UBE2E1: variants seen among roughly 807,000 people sequenced by gnomAD.
UBE2E1 encodes the protein ubiquitin-conjugating enzyme E2 E1.
UBE2E1 carries 6 observed loss-of-function variants against 21.4 expected under a neutral mutation model. The observed-to-expected ratio is 0.28, with a 90% CI of 0.15 to 0.55. The LOEUF (loss-of-function observed/expected upper bound fraction) is 0.55. UBE2E1 is among the 20% of genes least tolerant of loss of function. The pLI, the probability that UBE2E1 is intolerant of heterozygous loss-of-function variation, is 0.93. For synonymous variants in UBE2E1, 87 were observed against 82.7 expected (o/e 1.05, Z -0.28); for missense variants, 142 against 236.5 (o/e 0.60, Z 2.62).
Position 23,817,378 on chromosome 3 carries a change from C to T in UBE2E1, c.203+5868C>T, listed in dbSNP as rs189373094. ...CAGAGGTTGCAGTGAGCCAAGATTA[C>T]GCCACTGCACTCCAGCCTGGTTGAC... On this transcript the variant is annotated intron_variant, in intron 3 of 5. Coordinates refer to ENST00000306627, the MANE Select transcript of UBE2E1 (RefSeq NM_003341.5). Among the ~76,000 whole-genome samples, 105 of 144,998 alleles carry T rather than the reference C, an allele frequency of 7.2e-4. 1 individual carries two copies. Among genetic ancestry groups the T allele is most frequent in the South Asian group, 2.2e-4 (1 of 4,620 alleles).
At chr3:23,880,561 C>T (rs1029774785) in intron 3 of UBE2E1, among the ~76,000 whole-genome samples, 1 of 152,144 alleles carries the variant, frequency 6.6e-6, no homozygotes, top group Non-Finnish European at 1.5e-5. Flanking sequence ...AAGACTGTGA[C>T]TCGAAAAATA....
intron 3 of UBE2E1, among the ~76,000 whole-genome samples, chr3:23,878,651 G>A (rs1032324317): frequency 9.2e-5 from 14 of 152,136 alleles, no homozygotes; most frequent in African/African-American, 3.4e-4. Context: ...ATAGGCACAC[G>A]CAAACCCTAT....
At chr3:23,813,165 C>G (rs1231322698) in intron 3 of UBE2E1, among the ~76,000 whole-genome samples, 1 of 152,102 alleles carries the variant, frequency 6.6e-6, no homozygotes. Flanking sequence ...AGGGGATGCA[C>G]CAAACTGGGT....
Position 23,826,711 on chromosome 3 carries a change from G to A in UBE2E1, c.203+15201G>A, listed in dbSNP as rs759271335. On this transcript the variant is annotated intron_variant, in intron 3 of 5. Transcript: ENST00000306627. The stretch of plus-strand genomic sequence containing the variant: ...ATTTGGTAGATACTTTTGTGGAGTT[G>A]TCATTTTTTCATAGTTTTTTGTTAT... 2.3e-4 allele frequency among the ~76,000 whole-genome samples: 35 copies of A among 152,166 alleles called. 1 individual carries two copies. The highest frequency in any genetic ancestry group is 2.9e-5 in the Non-Finnish European group (2 of 68,034).
At chr3:23,838,936 CTTTT>C (rs765269749) in intron 3 of UBE2E1, among the ~76,000 whole-genome samples, 13 of 147,776 alleles carry the variant, frequency 8.8e-5, no homozygotes, top group Non-Finnish European at 1.3e-4. Flanking sequence ...CCAGCTATAA[CTTTT>C]TTTGTTTGTT....
chr3:23,879,112 A>T (rs545591678), intron 3 of UBE2E1: 2 of 526,596 alleles, frequency 3.8e-6, no homozygotes, highest in Non-Finnish European at 7.3e-6. Context: ...GTTAGCAACT[A>T]TAAGTAGAGG....
chr3:23,852,577 A>C (rs112900412), intron 3 of UBE2E1, among the ~76,000 whole-genome samples: 49 of 152,096 alleles, frequency 3.2e-4, no homozygotes, highest in African/African-American at 1.1e-3. Context: ...TTCTTTTCCA[A>C]TCTGAATACT....
intron 3 of UBE2E1, among the ~76,000 whole-genome samples, chr3:23,829,830 C>G (rs903205527): frequency 4.6e-5 from 7 of 152,162 alleles, no homozygotes; most frequent in Non-Finnish European, 8.8e-5. Flanking sequence ...AAGGAGAAAG[C>G]CTTCAGCAAA....
chr3:23,807,128 G>T, intron 1 of UBE2E1, 109 bp from the exon 2 acceptor site: 1 of 858,612 alleles, frequency 1.2e-6, no homozygotes, highest in African/African-American at 1.7e-5. Flanking sequence ...GGAGGGCGGT[G>T]GGCGGCCGCG....
At chr3:23,885,879 A>C (rs940626839) in intron 3 of UBE2E1, among the ~76,000 whole-genome samples, 29 of 151,112 alleles carry the variant, frequency 1.9e-4, no homozygotes, top group African/African-American at 6.6e-4. Flanking sequence ...AACAAAAAAA[A>C]CAAAACAAAC....
intron 3 of UBE2E1, among the ~76,000 whole-genome samples, chr3:23,875,194 C>G (rs965086160): frequency 9.9e-5 from 15 of 152,058 alleles, no homozygotes; most frequent in Non-Finnish European, 2.1e-4. Flanking sequence ...ACAGTAAGAC[C>G]TACGATTGAA....
intron 2 of UBE2E1, among the ~76,000 whole-genome samples, chr3:23,811,205 C>T (rs548878129): frequency 1.3e-5 from 2 of 152,210 alleles, no homozygotes; most frequent in Admixed American, 6.5e-5. Context: ...AGGAATAGAA[C>T]TGCCCTGGTG....
At chr3:23,820,151 A>G (rs1699617014) in intron 3 of UBE2E1, among the ~76,000 whole-genome samples, 1 of 152,242 alleles carries the variant, frequency 6.6e-6, no homozygotes, top group African/African-American at 2.4e-5. Flanking sequence ...CCATGTCACC[A>G]GTGAAGTGAA....
chr3:23,836,169 A>T lies in UBE2E1; in HGVS notation c.203+24659A>T, dbSNP rs888463240. Among the ~76,000 whole-genome samples, 6 of 152,262 alleles carry T rather than the reference A, an allele frequency of 3.9e-5. No individual in the cohort carries two copies. The highest frequency in any genetic ancestry group is 1.4e-4 in the African/African-American group (6 of 41,468). The stretch of plus-strand genomic sequence containing the variant: ...CAGCAAGAAGTTAAAGCATTTTAAA[A>T]AGCCTTGTGAATAAATCTTTACAAG... On this transcript the variant is annotated intron_variant, in intron 3 of 5. Coordinates refer to ENST00000306627, the MANE Select transcript of UBE2E1 (RefSeq NM_003341.5). This position sits in a 1 kb window ranked among gnomAD's most constrained non-coding sequence, Gnocchi z 4.1.
In UBE2E1 at chr3:23,810,528, G is replaced by T. The variant is rs1305036905; in HGVS notation, c.153-932G>T. On this transcript the variant is annotated intron_variant, in intron 2 of 5. Transcript: ENST00000306627. The surrounding 1 kb of genome is among the most constrained non-coding windows in gnomAD (Gnocchi z 5.8). ...GTTAGAGGACGCCCGGGGAAAAGCAGGTCCGGGGAGGTGGGCCGAGAGTCC... is the reference window on the plus strand; with the variant it reads ...GTTAGAGGACGCCCGGGGAAAAGCATGTCCGGGGAGGTGGGCCGAGAGTCC... 6.5e-7 allele frequency: 1 copy of T among 1,535,010 alleles called. No homozygotes were observed. The highest frequency in any genetic ancestry group is 8.7e-7 in the Non-Finnish European group (1 of 1,146,250).
chr3:23,886,448 G>C (rs968917767), intron 3 of UBE2E1, among the ~76,000 whole-genome samples: 1 of 152,072 alleles, frequency 6.6e-6, no homozygotes, highest in African/African-American at 2.4e-5. Flanking sequence ...CCGCTATTCG[G>C]TTGCCCATAT....
chr3:23,887,796 T>C lies in UBE2E1; in HGVS notation c.336+97T>C. The C allele has an allele frequency of 2.8e-6, 4 of 1,445,274 alleles. No individual in the cohort carries two copies. The highest frequency in any genetic ancestry group is 3.7e-6 in the Non-Finnish European group (4 of 1,078,700). The allele number at this position is 1,445,274 out of a possible 1,614,324, so 89.5% of individuals were successfully genotyped here. On this transcript the variant is annotated intron_variant, in intron 4 of 5. Transcript: ENST00000306627. This position sits in a 1 kb window ranked among gnomAD's most constrained non-coding sequence, Gnocchi z 4.4. ...TTAATTTTTAATCACAGAAACTAGA[T>C]TTATCTTATGTCCTAATAGATCTGA...
intron 3 of UBE2E1, 31 bp downstream of exon 3, chr3:23,811,541 T>A (rs764392493): frequency 6.2e-6 from 10 of 1,605,468 alleles, no homozygotes; most frequent in South Asian, 1.1e-5. Flanking sequence ...TTTCCATTTT[T>A]AAAATTCTTC....
In UBE2E1 at chr3:23,882,858, C is replaced by T. The variant is rs138919245; in HGVS notation, c.204-4709C>T. Among the ~76,000 whole-genome samples, 166 of 152,332 alleles carry T rather than the reference C, an allele frequency of 1.1e-3. 3 individuals carry two copies. Among genetic ancestry groups the T allele is most frequent in the Middle Eastern group, 3.4e-3 (1 of 294 alleles). Reference sequence around the variant, plus strand: ...CGGGGCTGCCAAGTCCACGCCCACCCGGAACTCTCGCTGTTCCATGAGCAC... The same window carrying T: ...CGGGGCTGCCAAGTCCACGCCCACCTGGAACTCTCGCTGTTCCATGAGCAC... On this transcript the variant is annotated intron_variant, in intron 3 of 5. Coordinates refer to ENST00000306627, the MANE Select transcript of UBE2E1 (RefSeq NM_003341.5).
Sources: allele counts gnomAD v4.1 joint callset (sites outside exome capture counted in the v4.1 genomes callset), GRCh38; gene constraint gnomAD v4.1.1; non-coding constraint Gnocchi (gnomAD v3.1); transcripts MANE v1.5; gene names NCBI Gene and HGNC (gene_info 2026-07-23, HGNC 2026-07-21).